The following RBFOX1 variants were observed in gnomAD, a reference collection of about 807,000 sequenced individuals.
RBFOX1 encodes RNA binding fox-1 homolog 1.
In RBFOX1, 8 loss-of-function variants were observed where a neutral mutation model predicts 57.7. The observed-to-expected ratio is 0.14, with a 90% CI of 0.08 to 0.25. RBFOX1 has a LOEUF of 0.25. Among genes scored for constraint, RBFOX1 ranks in the 10% least tolerant of loss-of-function variants. RBFOX1 has a pLI of 1.00. For missense variants in RBFOX1, 611 were observed against 548.5 expected (o/e 1.11, Z -1.14); for synonymous variants, 326 against 222.4 (o/e 1.47, Z -4.15).
chr16:7,045,822 AT>A (rs1192419504), intron 3 of RBFOX1, among the ~76,000 whole-genome samples: 2 of 151,648 alleles, frequency 1.3e-5, no homozygotes, highest in South Asian at 2.1e-4. Flanking sequence ...CGTGTGGCTA[AT>A]TTTTTTGTAT....
At position 7,663,346 on chromosome 16, in the gene RBFOX1, C is replaced by G. The variant is rs1297679458; in HGVS notation, c.891-1583C>G. 5.3e-5 allele frequency among the ~76,000 whole-genome samples: 8 copies of G among 152,196 alleles called. No individual in the cohort carries two copies. The South Asian group carries it at 8.3e-4, about 16-fold the overall frequency. On this transcript the variant is annotated intron_variant, in intron 12 of 15. Transcript: ENST00000550418. The stretch of plus-strand genomic sequence containing the variant: ...ATCAAATATGAACAACAGCTGAAAG[C>G]TATTCCTACCAACCTCCTTAGTGTG...
intron 2 of RBFOX1, among the ~76,000 whole-genome samples, chr16:6,357,977 A>G (rs1294419885): frequency 6.6e-6 from 1 of 151,706 alleles, no homozygotes; most frequent in African/African-American, 2.4e-5. Flanking sequence ...AAAAAAAAAA[A>G]AGAAATTAAT....
intron 3 of RBFOX1, among the ~76,000 whole-genome samples, chr16:6,867,598 A>G (rs1445408080): frequency 6.6e-6 from 1 of 152,130 alleles, no homozygotes; most frequent in African/African-American, 2.4e-5. Flanking sequence ...ACCGGCCTGT[A>G]ATCCCAGCTA....
Position 5,290,708 on chromosome 16 carries a change from T to G in RBFOX1, c.219+50603T>G, listed in dbSNP as rs541881266. Among the ~76,000 whole-genome samples the G allele has an allele frequency of 3.3e-5, 5 of 152,122 alleles. No individual in the cohort carries two copies. In the East Asian group the frequency reaches 9.7e-4, roughly 29 times the overall value. On this transcript the variant is annotated intron_variant, in intron 1 of 2. Coordinates refer to the RBFOX1 transcript ENST00000585867. ...TAGAGCAGATTTAAGGGACTTTTTTTTTTTTTTGAGACGGAGTTTAGCTCT... is the reference window on the plus strand; with the variant it reads ...TAGAGCAGATTTAAGGGACTTTTTTGTTTTTTTGAGACGGAGTTTAGCTCT...
intron 4 of RBFOX1, among the ~76,000 whole-genome samples, chr16:5,874,747 C>A (rs550924732): frequency 6.6e-6 from 1 of 152,136 alleles, no homozygotes; most frequent in African/African-American, 2.4e-5. Context: ...AGTTTGAGAC[C>A]AGCCAGGGCA....
chr16:5,606,566 A>T (rs935548216), intron 3 of RBFOX1, among the ~76,000 whole-genome samples: 1 of 151,930 alleles, frequency 6.6e-6, no homozygotes. Flanking sequence ...CACTGCTAAG[A>T]GTTGGAAGGT....
intron 4 of RBFOX1, among the ~76,000 whole-genome samples, chr16:7,218,664 G>A (rs2092462202): frequency 6.6e-6 from 1 of 150,722 alleles, no homozygotes; most frequent in East Asian, 1.9e-4. Flanking sequence ...GTGTGTGTGT[G>A]TGTGTGTGTG....
chr16:7,452,543 C>G (rs186317818), intron 4 of RBFOX1, among the ~76,000 whole-genome samples: 363 of 152,296 alleles, frequency 2.4e-3, no homozygotes, highest in Non-Finnish European at 3.9e-3. Flanking sequence ...ATCAATGCCT[C>G]AGATCCGGGG....
chr16:5,535,499 G>A (rs968837549), intron 2 of RBFOX1, among the ~76,000 whole-genome samples: 2 of 152,168 alleles, frequency 1.3e-5, no homozygotes, highest in Admixed American at 6.5e-5. Flanking sequence ...CAGTCCCAAG[G>A]AGTTTACAAA....
intron 3 of RBFOX1, among the ~76,000 whole-genome samples, chr16:6,961,475 A>AGG (rs1203943718): frequency 6.6e-6 from 1 of 152,222 alleles, no homozygotes; most frequent in African/African-American, 2.4e-5. Context: ...AAGATCCCAA[A>AGG]GGAGGGTTCT....
Position 5,399,175 on chromosome 16 carries a change from C to G in RBFOX1, c.220-68041C>G, listed in dbSNP as rs550579778. Among the ~76,000 whole-genome samples the G allele has an allele frequency of 2.0e-5, 3 of 152,230 alleles. No homozygotes were observed. In the South Asian group the frequency reaches 6.2e-4, roughly 32 times the overall value. On this transcript the variant is annotated intron_variant, in intron 1 of 2. Transcript: ENST00000585867. ...CCTCAGTTTCCTTATCTGTAAAATG[C>G]GGAAAATTAGAGTCCCTCCCTCGCT...
intron 2 of RBFOX1, among the ~76,000 whole-genome samples, chr16:6,569,985 A>T (rs1031728014): frequency 6.6e-6 from 1 of 152,080 alleles, no homozygotes; most frequent in Admixed American, 6.6e-5. Flanking sequence ...TTTGAGAAGA[A>T]GTCGTTAGGA....
chr16:5,600,486 C>CAAAAAAAA (rs34621437), downstream of RBFOX1, among the ~76,000 whole-genome samples: 1 of 90,296 alleles, frequency 1.1e-5, no homozygotes, highest in Non-Finnish European at 2.2e-5. Flanking sequence ...GAGCCTGTCT[C>CAAAAAAAA]AAAAAAAAAA....
intron 1 of RBFOX1, among the ~76,000 whole-genome samples, chr16:5,456,094 A>G (rs751738349): frequency 1.6e-4 from 24 of 152,100 alleles, no homozygotes; most frequent in Non-Finnish European, 2.5e-4. Flanking sequence ...TGATAATATT[A>G]TGGCATATAT....
intron 6 of RBFOX1, among the ~76,000 whole-genome samples, chr16:7,580,606 G>A (rs2093684369): frequency 6.6e-6 from 1 of 152,166 alleles, no homozygotes; most frequent in African/African-American, 2.4e-5. Flanking sequence ...CACAGAGCAG[G>A]CCACAAGTCA....
chr16:6,946,875 C>T (rs2153515226), intron 3 of RBFOX1, among the ~76,000 whole-genome samples: 1 of 152,324 alleles, frequency 6.6e-6, no homozygotes, highest in South Asian at 2.1e-4. Flanking sequence ...TCCCCAAGTG[C>T]TGGGATTATA....
intron 3 of RBFOX1, among the ~76,000 whole-genome samples, chr16:6,909,503 A>G (rs1018835370): frequency 1.3e-5 from 2 of 152,216 alleles, no homozygotes; most frequent in East Asian, 3.9e-4. Context: ...GATTCTGTCT[A>G]TCACACTCTC....
intron 3 of RBFOX1, among the ~76,000 whole-genome samples, chr16:5,865,273 C>G (rs560677963): frequency 1.1e-3 from 164 of 152,240 alleles, no homozygotes; most frequent in African/African-American, 3.7e-3. Context: ...GCCCAGGGAT[C>G]TTGTGTGCTT....
At chr16:6,360,242 A>ATT (rs5815303) in intron 2 of RBFOX1, among the ~76,000 whole-genome samples, 4 of 149,398 alleles carry the variant, frequency 2.7e-5, no homozygotes, top group African/African-American at 9.8e-5. Context: ...TTCTTTATAG[A>ATT]TTTTTTTTTT....
Sources: allele counts gnomAD v4.1 joint callset (sites outside exome capture counted in the v4.1 genomes callset), GRCh38; gene constraint gnomAD v4.1.1; transcripts MANE v1.5; gene names NCBI Gene and HGNC (gene_info 2026-07-23, HGNC 2026-07-21).